The following MINDY4 variants were observed in gnomAD, a reference collection of about 807,000 sequenced individuals.
MINDY4 encodes the protein probable ubiquitin carboxyl-terminal hydrolase MINDY-4.
In MINDY4, 68 loss-of-function variants were observed where a neutral mutation model predicts 87.0. That is an observed-to-expected ratio of 0.78 (90% CI 0.64 to 0.96). The LOEUF (loss-of-function observed/expected upper bound fraction) is 0.96. Among genes scored for constraint, MINDY4 ranks in the 40% least tolerant of loss-of-function variants. The pLI, the probability that MINDY4 is intolerant of heterozygous loss-of-function variation, is 0.00. For missense variants in MINDY4, 919 were observed against 928.2 expected, an observed-to-expected ratio of 0.99 and a Z score of 0.13; for synonymous variants, 379 against 363.2, an observed-to-expected ratio of 1.04 and a Z score of -0.50.
At chr7:30,834,007 G>A (rs190913839) in intron 6 of MINDY4, among the ~76,000 whole-genome samples, 2 of 152,360 alleles carry the variant, frequency 1.3e-5, no homozygotes, top group Admixed American at 1.3e-4. Context: ...ATGGGCTGGT[G>A]TTGAGTGTCT....
chr7:30,853,248 C>T (rs1032419339), intron 11 of MINDY4, 146 bp from the exon 12 acceptor site: 2 of 683,898 alleles, frequency 2.9e-6, no homozygotes, highest in Non-Finnish European at 5.3e-6. Flanking sequence ...TGCCTCTCAG[C>T]CCTGACTTGG....
chr7:30,805,136 A>G (rs1035868952), intron 5 of MINDY4, among the ~76,000 whole-genome samples: 1 of 152,230 alleles, frequency 6.6e-6, no homozygotes, highest in Non-Finnish European at 1.5e-5. Flanking sequence ...GGTCTGAGAA[A>G]GGTGACTGGC....
rs568995903 is a variant in MINDY4 at position 30,852,976 on chromosome 7, C to T, written c.1612-418C>T. 2.0e-5 allele frequency among the ~76,000 whole-genome samples: 3 copies of T among 152,326 alleles called. No individual in the cohort carries two copies. In the East Asian group the frequency reaches 5.8e-4, roughly 29 times the overall value. ...CAAAGGAGACTCCTAAGGGCTGCTT[C>T]CTGCTGAACTCAGGACACAGCCTGT... is the stretch of plus-strand genomic sequence containing the variant. On this transcript the variant is annotated intron_variant, in intron 11 of 17. Coordinates refer to ENST00000265299, the MANE Select transcript of MINDY4 (RefSeq NM_032222.3).
intron 13 of MINDY4, among the ~76,000 whole-genome samples, chr7:30,865,576 A>G (rs1789908481): frequency 6.6e-6 from 1 of 152,214 alleles, no homozygotes; most frequent in Non-Finnish European, 1.5e-5. Flanking sequence ...TCTGTCCTGT[A>G]GATCTCTGCC....
intron 4 of MINDY4, among the ~76,000 whole-genome samples, chr7:30,788,130 G>A (rs6964814): frequency 0.26 from 39,880 of 152,150 alleles, 5,757 homozygotes; most frequent in Non-Finnish European, 0.32. Context: ...CATTCAGTGC[G>A]TTGCAATATG....
At chr7:30,813,989 A>G (rs1788080750) in intron 5 of MINDY4, among the ~76,000 whole-genome samples, 1 of 152,166 alleles carries the variant, frequency 6.6e-6, no homozygotes, top group Admixed American at 6.5e-5. Context: ...AGGGCAGGAC[A>G]GAGAATCAGT....
At chr7:30,878,436 G>C (rs1230974219) in intron 15 of MINDY4, among the ~76,000 whole-genome samples, 2 of 152,168 alleles carry the variant, frequency 1.3e-5, no homozygotes, top group East Asian at 1.9e-4. Context: ...GTCCGGCCTG[G>C]CTGTGTCCTG....
chr7:30,773,330 G>A (rs1372503642), intron 1 of MINDY4, among the ~76,000 whole-genome samples: 2 of 152,208 alleles, frequency 1.3e-5, no homozygotes, highest in Non-Finnish European at 2.9e-5. Context: ...TTTCACATAA[G>A]ATTATTGTGA....
intron 17 of MINDY4, among the ~76,000 whole-genome samples, chr7:30,886,971 C>T (rs1189640583): frequency 3.3e-5 from 5 of 152,176 alleles, no homozygotes; most frequent in African/African-American, 9.7e-5. Context: ...AAAAATGAAA[C>T]GGTTGTCAAC....
intron 6 of MINDY4, among the ~76,000 whole-genome samples, chr7:30,832,121 G>A (rs962259572): frequency 6.6e-6 from 1 of 152,182 alleles, no homozygotes; most frequent in African/African-American, 2.4e-5. Flanking sequence ...CCTTTTCCAA[G>A]GGGCTTACTC....
chr7:30,783,050 G>A (rs1787051426), intron 3 of MINDY4, among the ~76,000 whole-genome samples: 1 of 152,232 alleles, frequency 6.6e-6, no homozygotes, highest in South Asian at 2.1e-4. Flanking sequence ...CCTCACAGTA[G>A]TTAAAGCAAT....
chr7:30,829,290 TTC>T (rs59649451), intron 6 of MINDY4, among the ~76,000 whole-genome samples: 25,037 of 152,098 alleles, frequency 0.16, 2,713 homozygotes, highest in East Asian at 0.39. Flanking sequence ...CAAACTTTTT[TTC>T]TCTCTCTTTC....
intron 5 of MINDY4, among the ~76,000 whole-genome samples, chr7:30,812,751 C>G (rs1235141787): frequency 1.3e-5 from 2 of 152,224 alleles, no homozygotes; most frequent in East Asian, 1.9e-4. Context: ...ATTCCCACCC[C>G]CCTTTTCCAG....
At position 30,840,824 on chromosome 7, in the gene MINDY4, G is replaced by A. The variant is rs775215497; in HGVS notation, c.1421G>A (p.Gly474Glu). Reference sequence around the variant, plus strand: ...GTCCTACAGAAACTCCTGTTTGAAGGAGATAGCAAAGCCGACTGTGCTCAG... The same window carrying A: ...GTCCTACAGAAACTCCTGTTTGAAGAAGATAGCAAAGCCGACTGTGCTCAG... ...GCVLQKLLFEGDSKADCAQGL... is the reference protein window; with the variant it reads ...GCVLQKLLFEEDSKADCAQGL... Residue 474 changes from glycine (G) to glutamate (E), a missense_variant, in exon 9 of 18, where the codon GGA becomes GAA. Transcript: ENST00000265299. 2.5e-6 allele frequency: 4 copies of A among 1,614,156 alleles called. No homozygotes were observed. The East Asian group carries it at 8.9e-5, about 36-fold the overall frequency.
At chr7:30,861,190 G>A (rs1256618757) in intron 13 of MINDY4, among the ~76,000 whole-genome samples, 2 of 152,296 alleles carry the variant, frequency 1.3e-5, no homozygotes, top group African/African-American at 4.8e-5. Flanking sequence ...TATGGTGTTC[G>A]GGCCAGGCAG....
At chr7:30,875,698 C>G (rs774125918) in intron 15 of MINDY4, 42 bp downstream of exon 15, 1 of 1,559,386 alleles carries the variant, frequency 6.4e-7, no homozygotes, top group Non-Finnish European at 8.7e-7. Flanking sequence ...GGGAGCCTGA[C>G]TCTCTGGAGC....
intron 17 of MINDY4, among the ~76,000 whole-genome samples, chr7:30,890,210 G>A (rs952147584): frequency 1.2e-4 from 19 of 152,242 alleles, no homozygotes; most frequent in African/African-American, 4.3e-4. Context: ...TATGCCGAGT[G>A]TTTTAACAAG....
intron 9 of MINDY4, among the ~76,000 whole-genome samples, chr7:30,849,237 T>A (rs541767907): frequency 6.6e-6 from 1 of 152,302 alleles, no homozygotes; most frequent in East Asian, 1.9e-4. Flanking sequence ...CCCAGCACAG[T>A]TCCGCATGGA....
intron 6 of MINDY4, among the ~76,000 whole-genome samples, chr7:30,833,177 A>T (rs1232999467): frequency 1.3e-5 from 2 of 152,160 alleles, no homozygotes; most frequent in Non-Finnish European, 2.9e-5. Context: ...CCTAACTAAG[A>T]AATTGTATTA....
Sources: allele counts gnomAD v4.1 joint callset (sites outside exome capture counted in the v4.1 genomes callset), GRCh38; gene constraint gnomAD v4.1.1; transcripts MANE v1.5; gene names NCBI Gene and HGNC (gene_info 2026-07-23, HGNC 2026-07-21).